Variants in CYP19A1 observed in about 807,000 individuals in gnomAD.
CYP19A1 encodes aromatase.
CYP19A1 carries 32 observed loss-of-function variants against 44.4 expected under a neutral mutation model. The observed-to-expected ratio is 0.72, with a 90% CI of 0.54 to 0.97. CYP19A1 has a LOEUF of 0.97. CYP19A1 is among the 50% of genes least tolerant of loss of function. The probability of loss-of-function intolerance (pLI) is 0.00; values close to 1 mark genes in which losing one functional copy is unlikely to be tolerated. For synonymous variants in CYP19A1, 212 were observed against 215.6 expected (o/e 0.98, Z 0.14); for missense variants, 598 against 637.8 (o/e 0.94, Z 0.67).
intron 3 of CYP19A1, among the ~76,000 whole-genome samples, chr15:51,234,078 GA>G (rs889196454): frequency 2.3e-4 from 34 of 149,366 alleles, no homozygotes; most frequent in South Asian, 6.4e-4. Flanking sequence ...CTTTTCAAAA[GA>G]AAAAAAAAAT....
intron 4 of CYP19A1, among the ~76,000 whole-genome samples, chr15:51,223,045 CA>C (rs1641737680): frequency 6.6e-6 from 1 of 152,150 alleles, no homozygotes; most frequent in Admixed American, 6.5e-5. Context: ...AAAAATCCCC[CA>C]AAGTGCCCTT....
At chr15:51,247,198 T>A (rs1168755710) in intron 1 of CYP19A1, among the ~76,000 whole-genome samples, 1 of 152,174 alleles carries the variant, frequency 6.6e-6, no homozygotes, top group Non-Finnish European at 1.5e-5. Flanking sequence ...TGAGAGATCA[T>A]GAGCATCTCT....
chr15:51,335,601 A>T (rs2470165), intron 1 of CYP19A1, among the ~76,000 whole-genome samples: 7,301 of 152,290 alleles, frequency 0.048, 217 homozygotes, highest in Non-Finnish European at 0.064. Context: ...AGAACTCAGC[A>T]CTTCCTTATT....
intron 1 of CYP19A1, among the ~76,000 whole-genome samples, chr15:51,291,879 C>G (rs1451335245): frequency 1.3e-5 from 2 of 152,174 alleles, no homozygotes; most frequent in Non-Finnish European, 2.9e-5. Context: ...AGGGTCATTT[C>G]ACTGGAGTCC....
At chr15:51,295,168 G>A (rs984736666) in intron 1 of CYP19A1, among the ~76,000 whole-genome samples, 3 of 149,030 alleles carry the variant, frequency 2.0e-5, no homozygotes, top group African/African-American at 7.4e-5. Context: ...TTAATTTGAG[G>A]TAGGACACAA....
chr15:51,223,593 T>TCTCACACA (rs1356666512), intron 4 of CYP19A1, among the ~76,000 whole-genome samples: 3,776 of 90,132 alleles, frequency 0.042, 136 homozygotes, highest in Admixed American at 0.1. Flanking sequence ...TCTCTCTCTC[T>TCTCACACA]CACACACACA....
intron 1 of CYP19A1, among the ~76,000 whole-genome samples, chr15:51,317,387 G>A (rs2036446601): frequency 6.6e-6 from 1 of 152,186 alleles, no homozygotes; most frequent in Admixed American, 6.5e-5. Flanking sequence ...GGGATTACAG[G>A]CGTGAGCCAC....
intron 6 of CYP19A1, among the ~76,000 whole-genome samples, chr15:51,216,441 CAG>C (rs2031586041): frequency 6.6e-6 from 1 of 152,218 alleles, no homozygotes; most frequent in South Asian, 2.1e-4. Flanking sequence ...TTAGTAAAGA[CAG>C]AGTTTCACCA....
intron 1 of CYP19A1, among the ~76,000 whole-genome samples, chr15:51,322,767 C>T (rs1356547385): frequency 6.6e-6 from 1 of 152,228 alleles, no homozygotes; most frequent in East Asian, 1.9e-4. Flanking sequence ...GGGCCAGCCT[C>T]TACTGTGCTG....
chr15:51,253,746 A>G (rs2141148202), intron 1 of CYP19A1, among the ~76,000 whole-genome samples: 1 of 152,274 alleles, frequency 6.6e-6, no homozygotes, highest in South Asian at 2.1e-4. Flanking sequence ...CATTAAGCAA[A>G]TGTTTGGCAC....
intron 1 of CYP19A1, chr15:51,319,110 C>A (rs1159063672): frequency 6.6e-6 from 1 of 152,154 alleles, no homozygotes; most frequent in African/African-American, 2.4e-5. Flanking sequence ...TCTGGCACAG[C>A]CTTCCTTCCC....
At chr15:51,243,080 C>T in intron 1 of CYP19A1, 130 bp from the exon 2 acceptor site, 2 of 693,610 alleles carry the variant, frequency 2.9e-6, no homozygotes, top group Non-Finnish European at 5.3e-6. Context: ...GACATTTAGG[C>T]AAGACTAATT....
chr15:51,219,409 A>T (rs924320586), intron 5 of CYP19A1, among the ~76,000 whole-genome samples: 1 of 152,260 alleles, frequency 6.6e-6, no homozygotes, highest in African/African-American at 2.4e-5. Flanking sequence ...CAACTGCTAA[A>T]TACCAGTCAC....
intron 1 of CYP19A1, among the ~76,000 whole-genome samples, chr15:51,278,746 G>T (rs28757125): frequency 0.018 from 2,673 of 152,152 alleles, 96 homozygotes; most frequent in African/African-American, 0.062. Flanking sequence ...TTTCTCTCCT[G>T]TACTGAGATA....
chr15:51,212,653 T>A, intron 8 of CYP19A1, 92 bp from the exon 9 acceptor site: 1 of 861,920 alleles, frequency 1.2e-6, no homozygotes, highest in Non-Finnish European at 1.9e-6. Context: ...CAGAACCGTT[T>A]GCTCTTGGTT....
At chr15:51,240,213 A>G (rs2033671046) in intron 2 of CYP19A1, among the ~76,000 whole-genome samples, 1 of 151,890 alleles carries the variant, frequency 6.6e-6, no homozygotes, top group Admixed American at 6.5e-5. Flanking sequence ...CATCTCTTTA[A>G]TCTTTTCACA....
At chr15:51,320,873 T>A (rs577822352) in intron 1 of CYP19A1, 1 of 152,386 alleles carries the variant, frequency 6.6e-6, no homozygotes, top group South Asian at 2.1e-4. Flanking sequence ...ATGTAATCAA[T>A]ATTTTAAAAA....
intron 4 of CYP19A1, among the ~76,000 whole-genome samples, chr15:51,222,938 G>A: frequency 6.6e-6 from 1 of 151,996 alleles, no homozygotes; most frequent in East Asian, 1.9e-4. Flanking sequence ...TATTTATTTT[G>A]CGTTTCAACA....
intron 1 of CYP19A1, among the ~76,000 whole-genome samples, chr15:51,271,097 C>T (rs1483378067): frequency 1.3e-5 from 2 of 152,076 alleles, no homozygotes; most frequent in African/African-American, 2.4e-5. Context: ...CTTGGAACCA[C>T]GTGGCTCAGT....
Sources: allele counts gnomAD v4.1 joint callset (sites outside exome capture counted in the v4.1 genomes callset), GRCh38; gene constraint gnomAD v4.1.1; transcripts MANE v1.5; gene names NCBI Gene and HGNC (gene_info 2026-07-23, HGNC 2026-07-21).